Variants in KANK1 observed in about 807,000 individuals in gnomAD.
KANK1 encodes the protein KN motif and ankyrin repeat domains 1.
KANK1 carries 109 observed loss-of-function variants against 106.2 expected under a neutral mutation model. That is an observed-to-expected ratio of 1.03 (90% CI 0.88 to 1.20). The LOEUF (loss-of-function observed/expected upper bound fraction) is 1.20, where lower values mean the gene tolerates loss of function less well. Ranked by LOEUF, KANK1 falls within the 50% of genes most tolerant of loss-of-function variation. The pLI is 0.00. For missense variants in KANK1, 2,399 were observed against 1,710.7 expected (o/e 1.40, Z -7.10); for synonymous variants, 873 against 652.2 (o/e 1.34, Z -5.16).
chr9:690,809 C>G (rs114074268), intron 2 of KANK1, among the ~76,000 whole-genome samples: 205 of 152,312 alleles, frequency 1.3e-3, no homozygotes, highest in African/African-American at 4.7e-3. Flanking sequence ...AAGCCACCAT[C>G]CCAGGGATAA....
intron 1 of KANK1, among the ~76,000 whole-genome samples, chr9:607,377 T>C (rs7853384): frequency 0.057 from 8,334 of 146,842 alleles, 332 homozygotes; most frequent in African/African-American, 0.082. Flanking sequence ...CCCAGCTATT[T>C]GGGACGGTGA....
chr9:601,438 C>T (rs1035656213), intron 1 of KANK1, among the ~76,000 whole-genome samples: 2 of 151,808 alleles, frequency 1.3e-5, no homozygotes, highest in South Asian at 2.1e-4. Flanking sequence ...TCAGTTATTT[C>T]TGGTTAGTTA....
At chr9:675,430 G>A (rs4742221) in intron 1 of KANK1, among the ~76,000 whole-genome samples, 60,942 of 151,892 alleles carry the variant, frequency 0.4, 13,300 homozygotes, top group East Asian at 0.63. Flanking sequence ...ATTTCTATAT[G>A]TACTGTTGTT....
chr9:696,308 C>A (rs937620166), intron 2 of KANK1, among the ~76,000 whole-genome samples: 11 of 151,536 alleles, frequency 7.3e-5, no homozygotes, highest in Non-Finnish European at 1.6e-4. Flanking sequence ...AACTGCTTGA[C>A]TTCTGCCTCC....
At chr9:629,541 C>G (rs558044166) in intron 1 of KANK1, among the ~76,000 whole-genome samples, 1 of 152,334 alleles carries the variant, frequency 6.6e-6, no homozygotes, top group South Asian at 2.1e-4. Flanking sequence ...TAACTATTCT[C>G]CTGCCTTCTG....
At chr9:570,240 A>G (rs1818832156) in intron 1 of KANK1, among the ~76,000 whole-genome samples, 1 of 152,210 alleles carries the variant, frequency 6.6e-6, no homozygotes, top group African/African-American at 2.4e-5. Flanking sequence ...GATAATGTAG[A>G]CTTAAAATTT....
chr9:614,359 C>A (rs555624804), intron 1 of KANK1, among the ~76,000 whole-genome samples: 2 of 152,164 alleles, frequency 1.3e-5, no homozygotes, highest in East Asian at 3.9e-4. Flanking sequence ...TTACCCATTT[C>A]CATCTTTGAG....
chr9:578,171 T>C (rs1363651096), intron 1 of KANK1, among the ~76,000 whole-genome samples: 6 of 152,204 alleles, frequency 3.9e-5, no homozygotes, highest in Non-Finnish European at 7.3e-5. Flanking sequence ...AAAATTGCTT[T>C]CTCGTTGGAT....
chr9:643,475 G>A (rs1367531296), intron 1 of KANK1, among the ~76,000 whole-genome samples: 3 of 149,078 alleles, frequency 2.0e-5, no homozygotes, highest in Non-Finnish European at 4.4e-5. Context: ...GCCTCCTCCC[G>A]AAGAATTTGG....
chr9:605,578 G>A (rs1245984932), intron 1 of KANK1, among the ~76,000 whole-genome samples: 3 of 151,786 alleles, frequency 2.0e-5, no homozygotes, highest in African/African-American at 7.3e-5. Flanking sequence ...TAAACATGAG[G>A]CAGCTGTGTA....
At chr9:563,264 G>T (rs950341248) in intron 1 of KANK1, among the ~76,000 whole-genome samples, 2 of 151,286 alleles carry the variant, frequency 1.3e-5, no homozygotes, top group African/African-American at 2.4e-5. Context: ...AGTCTCTGTT[G>T]CCAGGAAGCT....
intron 1 of KANK1, among the ~76,000 whole-genome samples, chr9:517,834 G>A (rs974513253): frequency 1.3e-5 from 2 of 150,290 alleles, no homozygotes; most frequent in Admixed American, 6.6e-5. Context: ...CGCCTCCCAG[G>A]TTCAAGTAGT....
chr9:536,853 ACT>A (rs1225003338), intron 1 of KANK1, among the ~76,000 whole-genome samples: 5 of 151,936 alleles, frequency 3.3e-5, no homozygotes, highest in African/African-American at 1.2e-4. Context: ...AATACAGTTA[ACT>A]CTCTTAGTTC....
chr9:514,136 C>T (rs1237822546), intron 1 of KANK1, among the ~76,000 whole-genome samples: 143 of 89,908 alleles, frequency 1.6e-3, no homozygotes, highest in African/African-American at 5.6e-3. Flanking sequence ...CTCTCCCTCC[C>T]TCCCTCCCTT....
At chr9:474,156 G>C (rs1311468574) in intron 3 of KANK1, among the ~76,000 whole-genome samples, 2 of 152,196 alleles carry the variant, frequency 1.3e-5, no homozygotes, top group African/African-American at 4.8e-5. Flanking sequence ...TGAGTGTATG[G>C]ATAGGTACCT....
intron 8 of KANK1, among the ~76,000 whole-genome samples, chr9:740,419 C>G (rs539552755): frequency 1.3e-5 from 2 of 152,170 alleles, no homozygotes; most frequent in African/African-American, 4.8e-5. Flanking sequence ...ATGAATAGCT[C>G]ACTACCTGCT....
At chr9:543,387 G>T (rs1294862829) in intron 1 of KANK1, among the ~76,000 whole-genome samples, 2 of 151,604 alleles carry the variant, frequency 1.3e-5, no homozygotes, top group Non-Finnish European at 2.9e-5. Context: ...GAAACCCCAT[G>T]TCTATTAAAA....
At chr9:651,560 T>G (rs561078367) in intron 1 of KANK1, among the ~76,000 whole-genome samples, 3 of 152,202 alleles carry the variant, frequency 2.0e-5, no homozygotes, top group Non-Finnish European at 4.4e-5. Flanking sequence ...GCTTGTTCGT[T>G]CCACAAGTTA....
intron 11 of KANK1, 103 bp from the exon 12 acceptor site, chr9:745,070 A>G: frequency 6.5e-7 from 1 of 1,542,002 alleles, no homozygotes; most frequent in Non-Finnish European, 8.7e-7. Flanking sequence ...TCGGGCTCAC[A>G]GCTGCTTGTT....
Sources: allele counts gnomAD v4.1 joint callset (sites outside exome capture counted in the v4.1 genomes callset), GRCh38; gene constraint gnomAD v4.1.1; transcripts MANE v1.5; gene names NCBI Gene and HGNC (gene_info 2026-07-23, HGNC 2026-07-21).